Variants in SUGT1 observed in about 807,000 individuals in gnomAD.
SUGT1 encodes the protein protein SGT1 homolog.
SUGT1 carries 15 observed loss-of-function variants against 56.1 expected under a neutral mutation model. That is an observed-to-expected ratio of 0.27 (90% CI 0.18 to 0.41). The LOEUF is 0.41. Among genes scored for constraint, SUGT1 ranks in the 10% least tolerant of loss-of-function variants. The probability of loss-of-function intolerance (pLI) is 1.00; values close to 1 mark genes in which losing one functional copy is unlikely to be tolerated. For synonymous variants in SUGT1, 123 were observed against 128.6 expected, an observed-to-expected ratio of 0.96 and a Z score of 0.30; for missense variants, 347 against 382.2, an observed-to-expected ratio of 0.91 and a Z score of 0.77.
chr13:52,657,488 T>C, intron 2 of SUGT1, 44 bp from the exon 3 acceptor site: 1 of 1,529,620 alleles, frequency 6.5e-7, no homozygotes, highest in Non-Finnish European at 9.0e-7. Flanking sequence ...ATTTGATGGC[T>C]TCTTACAAAC....
chr13:52,654,868 G>C (rs780485147), intron 2 of SUGT1, among the ~76,000 whole-genome samples: 3 of 152,226 alleles, frequency 2.0e-5, no homozygotes, highest in Non-Finnish European at 2.9e-5. Flanking sequence ...GTTATTTCTA[G>C]TTATTAGCTA....
chr13:52,685,259 T>TTCTTC (rs1963537281), intron 12 of SUGT1, among the ~76,000 whole-genome samples: 1 of 1,662 alleles, frequency 6.0e-4, no homozygotes, highest in African/African-American at 3.5e-3. Context: ...TCTTCTTCTT[T>TTCTTC]TTTTTTTTTT....
chr13:52,682,825 TG>T (rs1176236686), intron 12 of SUGT1, among the ~76,000 whole-genome samples: 1 of 152,234 alleles, frequency 6.6e-6, no homozygotes, highest in Non-Finnish European at 1.5e-5. Flanking sequence ...TTTTCACAAT[TG>T]TTTTTAGATA....
At chr13:52,685,277 G>A (rs1402230793) in intron 12 of SUGT1, among the ~76,000 whole-genome samples, 1 of 62,422 alleles carries the variant, frequency 1.6e-5, no homozygotes, top group African/African-American at 6.4e-5. Context: ...TTTTTTTTTT[G>A]TAGAGATAAG....
chr13:52,666,495 A>G (rs914299425), intron 9 of SUGT1, among the ~76,000 whole-genome samples: 3 of 152,156 alleles, frequency 2.0e-5, no homozygotes, highest in African/African-American at 4.8e-5. Context: ...ACTTTTTGTT[A>G]TATATCATTT....
At chr13:52,665,151 C>T (rs1488190248) in intron 8 of SUGT1, among the ~76,000 whole-genome samples, 1 of 152,172 alleles carries the variant, frequency 6.6e-6, no homozygotes, top group Non-Finnish European at 1.5e-5. Flanking sequence ...TCAAGTCTAT[C>T]TGCTTCCAAC....
At chr13:52,686,993 C>T (rs1963615419) in intron 12 of SUGT1, among the ~76,000 whole-genome samples, 1 of 126,308 alleles carries the variant, frequency 7.9e-6, no homozygotes, top group Non-Finnish European at 1.6e-5. Flanking sequence ...AGCGCTTGAA[C>T]CTGGGAGGCA....
chr13:52,672,440 A>G (rs969514216), intron 10 of SUGT1, among the ~76,000 whole-genome samples: 9 of 152,232 alleles, frequency 5.9e-5, no homozygotes, highest in African/African-American at 2.2e-4. Flanking sequence ...AATCTTCTCC[A>G]TTCATTGCCA....
intron 10 of SUGT1, among the ~76,000 whole-genome samples, chr13:52,668,064 C>T (rs1248337810): frequency 7.2e-5 from 11 of 151,928 alleles, no homozygotes; most frequent in African/African-American, 2.7e-4. Flanking sequence ...GCAACCTCCG[C>T]CTTCTTGAAT....
chr13:52,658,497 C>A, intron 4 of SUGT1, 29 bp downstream of exon 4: 2 of 1,594,748 alleles, frequency 1.3e-6, no homozygotes, highest in South Asian at 1.2e-5. Context: ...TCTTGTTGAG[C>A]TTGGTATAGA....
In SUGT1 at chr13:52,689,991, A is replaced by G. The variant is rs1963731142; in HGVS notation, c.*2156A>G. 1.3e-5 allele frequency: 2 copies of G among 151,998 alleles called. No homozygotes were observed. Among genetic ancestry groups the G allele is most frequent in the Admixed American group, 1.3e-4 (2 of 15,234 alleles). 9.4% of individuals were successfully genotyped at this position (151,998 alleles called of 1,614,324 possible). On this transcript the variant is annotated 3_prime_UTR_variant, in exon 13 of 13. Transcript: ENST00000310528. The stretch of plus-strand genomic sequence containing the variant: ...ATAAATAGCTGTTTAAAAAAAAAAA[A>G]TCTGGTACTATCTTTAGTTGGTTTT...
intron 5 of SUGT1, chr13:52,661,704 C>G: frequency 3.3e-6 from 1 of 298,892 alleles, no homozygotes; most frequent in Non-Finnish European, 6.6e-6. Context: ...GTTTTAGTTA[C>G]TGATTACTTA....
chr13:52,654,582 CT>C (rs1419690430), intron 2 of SUGT1, among the ~76,000 whole-genome samples: 1 of 152,202 alleles, frequency 6.6e-6, no homozygotes, highest in Non-Finnish European at 1.5e-5. Context: ...CTTAATGCGC[CT>C]TCTCAGCCAG....
chr13:52,683,784 AATT>A (rs1232079527), intron 12 of SUGT1, among the ~76,000 whole-genome samples: 4 of 152,162 alleles, frequency 2.6e-5, no homozygotes, highest in African/African-American at 9.6e-5. Context: ...GGACTGTTCC[AATT>A]ATCTATTTCA....
intron 11 of SUGT1, among the ~76,000 whole-genome samples, chr13:52,676,629 C>G (rs989617533): frequency 1.1e-4 from 16 of 152,078 alleles, no homozygotes; most frequent in Non-Finnish European, 1.5e-4. Flanking sequence ...CCTGTTGTTT[C>G]TTTTTGGGTT....
rs1283767769 is a variant in SUGT1, at chr13:52,697,826, A to T, written c.*9991A>T. 1 of 152,236 alleles carries T rather than the reference A, an allele frequency of 6.6e-6. No homozygotes were observed. The highest frequency in any genetic ancestry group is 1.5e-5 in the Non-Finnish European group (1 of 68,050). The allele number at this position is 152,236 out of a possible 1,614,324, so 9.4% of individuals were successfully genotyped here. A position where few individuals can be genotyped will look rare whatever the true frequency, so the allele number is the denominator to read the frequency against. On this transcript the variant is annotated 3_prime_UTR_variant, in exon 13 of 13. Coordinates refer to ENST00000310528, the MANE Select transcript of SUGT1 (RefSeq NM_006704.5). ...AATATTCATTGATTGCCAAATACGC[A>T]TCAGACACTGAGCTAGGTGCTAGGT... is the stretch of plus-strand genomic sequence containing the variant.
At chr13:52,666,774 A>G in intron 9 of SUGT1, 38 bp from the exon 10 acceptor site, 1 of 1,369,200 alleles carries the variant, frequency 7.3e-7, no homozygotes, top group South Asian at 1.2e-5. Context: ...TCCATTATAT[A>G]CATTTACAAA....
At position 52,690,710 on chromosome 13, in the gene SUGT1, T is replaced by C. The variant is rs952807220; in HGVS notation, c.*2875T>C. 1 of 152,214 alleles carries C rather than the reference T, an allele frequency of 6.6e-6. No homozygotes were observed. Among genetic ancestry groups the C allele is most frequent in the Non-Finnish European group, 1.5e-5 (1 of 68,048 alleles). 9.4% of individuals were successfully genotyped at this position (152,214 alleles called of 1,614,324 possible). A position where few individuals can be genotyped will look rare whatever the true frequency, so the allele number is the denominator to read the frequency against. On this transcript the variant is annotated 3_prime_UTR_variant, in exon 13 of 13. Coordinates refer to ENST00000310528, the MANE Select transcript of SUGT1 (RefSeq NM_006704.5). ...TCAATTTTGATAATTTCCTGTCTTA[T>C]GTCTTAATACCCATTCAGAGTTGAC... is the stretch of plus-strand genomic sequence containing the variant.
intron 2 of SUGT1, among the ~76,000 whole-genome samples, chr13:52,656,923 A>G (rs1446336528): frequency 2.6e-5 from 4 of 152,222 alleles, no homozygotes; most frequent in Admixed American, 6.5e-5. Context: ...ACAAGTTAAA[A>G]AAGTTTCAAT....
Sources: gnomAD v4.1 joint callset for allele counts (sites outside exome capture counted in the v4.1 genomes callset) on GRCh38, gnomAD v4.1.1 for gene constraint, MANE v1.5 for transcripts, NCBI Gene and HGNC (gene_info 2026-07-23, HGNC 2026-07-21) for gene names.